The following FRMPD4 variants were observed in gnomAD, a reference collection of about 807,000 sequenced individuals.
The protein encoded by FRMPD4 is FERM and PDZ domain containing 4.
Under a neutral mutation model 94.1 loss-of-function variants are expected in FRMPD4, and 22 were observed. The ratio of observed to expected loss-of-function variants is 0.23; its 90% CI spans 0.17 to 0.33. The LOEUF (loss-of-function observed/expected upper bound fraction) is 0.33. Among genes scored for constraint, FRMPD4 ranks in the 10% least tolerant of loss-of-function variants. FRMPD4 has a pLI of 1.00. For synonymous variants in FRMPD4, 631 were observed against 548.6 expected (o/e 1.15, Z -2.10); for missense variants, 1,111 against 1,339.9 (o/e 0.83, Z 2.67).
At chrX:12,487,918 ATCT>A (rs2057755256) in intron 1 of FRMPD4, among the ~76,000 whole-genome samples, 1 of 112,277 alleles carries the variant, frequency 8.9e-6, no homozygotes, top group South Asian at 3.7e-4. Context: ...GCCACCAGAA[ATCT>A]TCCTAGAATT....
chrX:12,703,967 T>G (rs2041832109), intron 10 of FRMPD4, among the ~76,000 whole-genome samples: 1 of 111,852 alleles, frequency 8.9e-6, no homozygotes. Context: ...AGGAAGAATA[T>G]GAGCAGACAG....
chrX:12,565,860 T>C (rs2058706590), intron 2 of FRMPD4, among the ~76,000 whole-genome samples: 1 of 112,056 alleles, frequency 8.9e-6, no homozygotes, highest in South Asian at 3.7e-4. Flanking sequence ...CTCTGTGCCA[T>C]CTTTGCAACT....
At chrX:12,173,624 G>A (rs982641091) in intron 1 of FRMPD4, among the ~76,000 whole-genome samples, 3 of 111,581 alleles carry the variant, frequency 2.7e-5, no homozygotes, top group Admixed American at 1.9e-4. Flanking sequence ...ATGCAGGGGA[G>A]GGGGCTCCTG....
In FRMPD4 at chrX:12,667,307, G is replaced by A. The variant is rs773046539; in HGVS notation, c.423-7556G>A. On this transcript the variant is annotated intron_variant, in intron 4 of 16. Transcript: ENST00000675598. ...AAGCAAGATTCTCGAATTCTGACAT[G>A]AAATATCTTCCTACATATCTTTGTT... is the stretch of plus-strand genomic sequence containing the variant. Among the ~76,000 whole-genome samples the A allele has an allele frequency of 1.3e-3, 150 of 111,932 alleles. 1 individual carries two copies. Among genetic ancestry groups the A allele is most frequent in the African/African-American group, 4.5e-3 (140 of 30,884 alleles).
At chrX:12,047,120 T>C (rs1157538783) in intron 3 of FRMPD4, among the ~76,000 whole-genome samples, 1 of 109,936 alleles carries the variant, frequency 9.1e-6, no homozygotes, top group Non-Finnish European at 1.9e-5. Flanking sequence ...GTTATATATA[T>C]GGTTATATAT....
intron 3 of FRMPD4, among the ~76,000 whole-genome samples, chrX:11,954,725 G>A (rs189789925): frequency 5.4e-5 from 6 of 111,016 alleles, no homozygotes; most frequent in Non-Finnish European, 9.4e-5. Flanking sequence ...ATGTTCTACA[G>A]TTTTACACTA....
chrX:11,987,124 A>AC (rs2054435009), intron 3 of FRMPD4, among the ~76,000 whole-genome samples: 1 of 96,996 alleles, frequency 1.0e-5, no homozygotes, highest in African/African-American at 3.6e-5. Context: ...AAAAAAAAAA[A>AC]AAAAACAACT....
chrX:11,854,839 G>T (rs774318215), intron 1 of FRMPD4, among the ~76,000 whole-genome samples: 1 of 111,649 alleles, frequency 9.0e-6, no homozygotes, highest in Non-Finnish European at 1.9e-5. Context: ...AGCTGTTGGT[G>T]GATCTAACAT....
intron 3 of FRMPD4, among the ~76,000 whole-genome samples, chrX:11,990,856 A>C (rs995829169): frequency 2.7e-5 from 3 of 111,824 alleles, no homozygotes; most frequent in Non-Finnish European, 5.6e-5. Context: ...TACTGACTGG[A>C]CCGCATGCTA....
intron 9 of FRMPD4, among the ~76,000 whole-genome samples, chrX:12,699,753 C>T (rs754449724): frequency 4.3e-4 from 48 of 112,477 alleles, no homozygotes; most frequent in Non-Finnish European, 4.7e-4. Context: ...ATATATTTAA[C>T]GTATATCCAT....
intron 1 of FRMPD4, among the ~76,000 whole-genome samples, chrX:12,332,211 G>T (rs5933990): frequency 0.2 from 8,313 of 42,145 alleles, 724 homozygotes; most frequent in African/African-American, 0.36. Context: ...TATATATAGA[G>T]AGAGAGAGAG....
At chrX:12,681,882 G>A (rs780691229) in intron 5 of FRMPD4, among the ~76,000 whole-genome samples, 1 of 111,379 alleles carries the variant, frequency 9.0e-6, no homozygotes, top group Non-Finnish European at 1.9e-5. Flanking sequence ...AACCATTGCC[G>A]CTACCTAGTT....
intron 1 of FRMPD4, among the ~76,000 whole-genome samples, chrX:12,240,179 A>T (rs2057113412): frequency 8.9e-6 from 1 of 112,482 alleles, no homozygotes; most frequent in African/African-American, 3.2e-5. Context: ...ACAGTGGTAG[A>T]GTTGAGTGGT....
At chrX:11,873,705 C>CTTT (rs368589472) in intron 2 of FRMPD4, among the ~76,000 whole-genome samples, 6 of 98,535 alleles carry the variant, frequency 6.1e-5, no homozygotes, top group African/African-American at 1.8e-4. Context: ...ATCCAGCAGG[C>CTTT]TTTTTTTTTT....
At chrX:12,224,734 T>C (rs1365188269) in intron 1 of FRMPD4, among the ~76,000 whole-genome samples, 1 of 111,700 alleles carries the variant, frequency 9.0e-6, no homozygotes, top group Non-Finnish European at 1.9e-5. Context: ...GAAGATAGGC[T>C]CTGATTTTGT....
intron 3 of FRMPD4, among the ~76,000 whole-genome samples, chrX:11,888,566 A>G (rs192492939): frequency 8.9e-6 from 1 of 111,881 alleles, no homozygotes; most frequent in East Asian, 2.8e-4. Context: ...CCATGACTCA[A>G]CCATTACATA....
At chrX:12,717,253 A>G in intron 15 of FRMPD4, 120 bp downstream of exon 15, 1 of 491,576 alleles carries the variant, frequency 2.0e-6, no homozygotes, top group East Asian at 3.7e-5. Context: ...CCATTTCATA[A>G]ATGTGCTGAA....
intron 1 of FRMPD4, among the ~76,000 whole-genome samples, chrX:12,369,239 GT>G (rs1207898626): frequency 0.032 from 3,280 of 102,114 alleles, 129 homozygotes; most frequent in African/African-American, 0.11. Context: ...AATAAACTCA[GT>G]TTTTTTTTTT....
chrX:12,121,426 C>T (rs2055453446), intron 3 of FRMPD4, among the ~76,000 whole-genome samples: 2 of 111,812 alleles, frequency 1.8e-5, no homozygotes, highest in African/African-American at 6.5e-5. Flanking sequence ...TAATTTCTAA[C>T]ATAGTAAATA....
Sources: gnomAD v4.1 joint callset for allele counts (sites outside exome capture counted in the v4.1 genomes callset) on GRCh38, gnomAD v4.1.1 for gene constraint, MANE v1.5 for transcripts, NCBI Gene and HGNC (gene_info 2026-07-23, HGNC 2026-07-21) for gene names.